Variants in BMAL2 observed in about 807,000 individuals in gnomAD.
BMAL2 encodes basic helix-loop-helix ARNT like 2.
chr12:27,389,885 A>G, the BMAL2 span: 17 of 404,496 alleles, frequency 4.2e-5, no homozygotes, highest in Admixed American at 2.2e-4. Flanking sequence ...GATAAATTGC[A>G]AATGTCTGTA....
At chr12:27,377,675 A>G in the BMAL2 span, among the ~76,000 whole-genome samples, 1 of 152,236 alleles carries the variant, frequency 6.6e-6, no homozygotes, top group Non-Finnish European at 1.5e-5. Flanking sequence ...CAGAAGTTTG[A>G]GGCTGCAGTG....
At chr12:27,417,860 G>A in the BMAL2 span, among the ~76,000 whole-genome samples, 1 of 152,042 alleles carries the variant, frequency 6.6e-6, no homozygotes, top group African/African-American at 2.4e-5. Flanking sequence ...GGGCGTGGTG[G>A]CACACACCTG....
chr12:27,411,953 G>A, the BMAL2 span, among the ~76,000 whole-genome samples: 67 of 152,082 alleles, frequency 4.4e-4, no homozygotes, highest in African/African-American at 1.5e-3. Context: ...CCACTATTTC[G>A]TCCTAAGAGT....
the BMAL2 span, chr12:27,420,762 A>G: frequency 1.8e-5 from 7 of 387,312 alleles, no homozygotes; most frequent in Admixed American, 3.0e-4. Flanking sequence ...ATGGCTTATA[A>G]TCCACTAGTT....
the BMAL2 span, among the ~76,000 whole-genome samples, chr12:27,376,893 G>A: frequency 6.6e-6 from 1 of 151,268 alleles, no homozygotes; most frequent in East Asian, 1.9e-4. Flanking sequence ...CCAGCTACTC[G>A]GGGGGACTGA....
chr12:27,400,611 G>C, the BMAL2 span: 13 of 1,613,874 alleles, frequency 8.1e-6, no homozygotes, highest in Non-Finnish European at 1.1e-5. Context: ...AATGGAAGAA[G>C]AAAGGAACAG....
chr12:27,385,030 T>G, the BMAL2 span, among the ~76,000 whole-genome samples: 1 of 152,188 alleles, frequency 6.6e-6, no homozygotes, highest in Non-Finnish European at 1.5e-5. Context: ...AAGAAAATGA[T>G]TAGCTGGGCG....
chr12:27,365,781 A>G, the BMAL2 span, among the ~76,000 whole-genome samples: 1 of 151,260 alleles, frequency 6.6e-6, no homozygotes, highest in African/African-American at 2.4e-5. Flanking sequence ...TAGAGTTTAC[A>G]ATCATCTGGA....
At chr12:27,381,444 A>ATGATGAG in the BMAL2 span, among the ~76,000 whole-genome samples, 1 of 152,174 alleles carries the variant, frequency 6.6e-6, no homozygotes, top group Non-Finnish European at 1.5e-5. Flanking sequence ...GGCAGAAGGC[A>ATGATGAG]AAGTGGGAGC....
At chr12:27,416,423 G>GC in the BMAL2 span, among the ~76,000 whole-genome samples, 1 of 151,994 alleles carries the variant, frequency 6.6e-6, no homozygotes, top group African/African-American at 2.4e-5. Flanking sequence ...AATAATACAA[G>GC]CCACAAGATA....
the BMAL2 span, among the ~76,000 whole-genome samples, chr12:27,404,662 C>T: frequency 9.9e-5 from 15 of 152,212 alleles, no homozygotes; most frequent in African/African-American, 3.6e-4. Context: ...CAGTCTACAG[C>T]TCCCAGCATG....
chr12:27,369,148 A>G, the BMAL2 span, among the ~76,000 whole-genome samples: 2 of 152,358 alleles, frequency 1.3e-5, no homozygotes, highest in East Asian at 3.9e-4. Context: ...ATAGCCATCT[A>G]TAGCAACTCA....
the BMAL2 span, among the ~76,000 whole-genome samples, chr12:27,396,463 T>C: frequency 1.6e-4 from 24 of 152,318 alleles, no homozygotes; most frequent in Middle Eastern, 3.4e-3. Flanking sequence ...AAGTCACATA[T>C]AGAGTGACAG....
chr12:27,382,189 C>T, the BMAL2 span, among the ~76,000 whole-genome samples: 7 of 152,168 alleles, frequency 4.6e-5, no homozygotes, highest in African/African-American at 1.4e-4. Flanking sequence ...AATTTACAGG[C>T]TCAACTGAGG....
the BMAL2 span, among the ~76,000 whole-genome samples, chr12:27,388,998 T>C: frequency 7.2e-5 from 11 of 152,226 alleles, no homozygotes; most frequent in African/African-American, 2.7e-4. Flanking sequence ...GCATGTATTT[T>C]TTTCTGTCTA....
the BMAL2 span, among the ~76,000 whole-genome samples, chr12:27,348,723 C>G: frequency 6.6e-6 from 1 of 152,132 alleles, no homozygotes; most frequent in Non-Finnish European, 1.5e-5. Context: ...ATAGAATTGA[C>G]TTAATACAAA....
the BMAL2 span, among the ~76,000 whole-genome samples, chr12:27,394,140 C>G: frequency 4.6e-5 from 7 of 152,150 alleles, no homozygotes; most frequent in African/African-American, 1.2e-4. Context: ...CTATATTGCT[C>G]TGGCTGGTCT....
the BMAL2 span, chr12:27,420,623 ATTG>A: frequency 7.5e-7 from 1 of 1,330,946 alleles, no homozygotes; most frequent in Non-Finnish European, 1.0e-6. Context: ...CTGTATTGAT[ATTG>A]TTTGTATCTT....
At chr12:27,354,579 TA>T in the BMAL2 span, among the ~76,000 whole-genome samples, 3 of 151,966 alleles carry the variant, frequency 2.0e-5, no homozygotes, top group South Asian at 2.1e-4. Flanking sequence ...AAATGAGATT[TA>T]AAAAAAACCC....
Sources: allele counts gnomAD v4.1 joint callset (sites outside exome capture counted in the v4.1 genomes callset), GRCh38; gene constraint gnomAD v4.1.1; transcripts MANE v1.5; gene names NCBI Gene and HGNC (gene_info 2026-07-23, HGNC 2026-07-21).